Variants in RBFOX3 observed in about 807,000 individuals in gnomAD.
The protein encoded by RBFOX3 is RNA binding protein fox-1 homolog 3.
Under a neutral mutation model 48.7 loss-of-function variants are expected in RBFOX3, and 17 were observed. The observed-to-expected ratio is 0.35, with a 90% CI of 0.24 to 0.52. The LOEUF is 0.52. Among genes scored for constraint, RBFOX3 ranks in the 20% least tolerant of loss-of-function variants. The pLI, the probability that RBFOX3 is intolerant of heterozygous loss-of-function variation, is 0.94. For missense variants in RBFOX3, 382 were observed against 497.5 expected (o/e 0.77, Z 2.21); for synonymous variants, 212 against 209.5 (o/e 1.01, Z -0.10).
rs150227072 is a variant in RBFOX3, at chr17:79,399,865, G to A, written c.-175+82589C>T. 2.1e-3 allele frequency among the ~76,000 whole-genome samples: 314 copies of A among 152,332 alleles called. 2 individuals are homozygous for A. The highest frequency in any genetic ancestry group is 7.2e-3 in the African/African-American group (301 of 41,568). ...ATGCTGGCTTTCTCTCCAAGTGAAC[G>A]TTGTCCTTAACTGGCTAGTGCAGGA... On this transcript the variant is annotated intron_variant, in intron 2 of 14. Transcript: ENST00000693108.
chr17:79,262,428 C>T (rs1277362929), intron 3 of RBFOX3, among the ~76,000 whole-genome samples: 2 of 152,266 alleles, frequency 1.3e-5, no homozygotes, highest in Non-Finnish European at 2.9e-5. Context: ...AGGACTTGCA[C>T]ATTTCTCTGT....
intron 2 of RBFOX3, among the ~76,000 whole-genome samples, chr17:79,315,726 TC>T (rs1406714527): frequency 2.0e-5 from 3 of 152,240 alleles, no homozygotes; most frequent in Non-Finnish European, 4.4e-5. Flanking sequence ...GCCTGGCGTT[TC>T]TGCGGGCTGC....
rs1470683759 is a variant in RBFOX3, at chr17:79,458,071, C to T, written c.-175+24383G>A. Among the ~76,000 whole-genome samples the T allele has an allele frequency of 5.9e-5, 9 of 152,100 alleles. No homozygotes were observed. The East Asian group carries it at 1.7e-3, about 29-fold the overall frequency. ...CAGGCCATCTTTGCAGGGCGGGGGA[C>T]CCGGGTGTGCCTCCCCAGGTGGGTA... On this transcript the variant is annotated intron_variant, in intron 2 of 14. Coordinates refer to ENST00000693108, the MANE Select transcript of RBFOX3 (RefSeq NM_001350451.2).
chr17:79,434,884 G>T (rs1897513077), intron 2 of RBFOX3, among the ~76,000 whole-genome samples: 1 of 152,184 alleles, frequency 6.6e-6, no homozygotes, highest in South Asian at 2.1e-4. Context: ...GGACCCTGAA[G>T]AATGGGGTGA....
chr17:79,295,383 G>GA (rs2074169718), intron 3 of RBFOX3, among the ~76,000 whole-genome samples: 1 of 152,174 alleles, frequency 6.6e-6, no homozygotes, highest in African/African-American at 2.4e-5. Context: ...AGAGCAGGAG[G>GA]AAAAAATTAA....
At chr17:79,400,277 C>T (rs766571354) in intron 2 of RBFOX3, among the ~76,000 whole-genome samples, 51 of 152,252 alleles carry the variant, frequency 3.3e-4, no homozygotes, top group Non-Finnish European at 6.3e-4. Context: ...GCTGAGACTC[C>T]GGATAGAATT....
chr17:79,461,234 G>T (rs1384413552), intron 2 of RBFOX3, among the ~76,000 whole-genome samples: 2 of 152,170 alleles, frequency 1.3e-5, no homozygotes, highest in South Asian at 4.2e-4. Flanking sequence ...ACCACTGAAG[G>T]CCCAGGATTC....
chr17:79,273,037 T>C (rs1011965147), intron 3 of RBFOX3, among the ~76,000 whole-genome samples: 1 of 152,138 alleles, frequency 6.6e-6, no homozygotes, highest in Non-Finnish European at 1.5e-5. Flanking sequence ...GGGCTCTGCC[T>C]CCCAGGGGTA....
Position 79,473,310 on chromosome 17 carries a change from G to A in RBFOX3, c.-175+9144C>T, listed in dbSNP as rs2077277370. ...CTCAGCCTGTTGCTAGGGAGCTGCT[G>A]TGGGTTTGAATTCTGTATGGCCCTG... On this transcript the variant is annotated intron_variant, in intron 2 of 14. Transcript: ENST00000693108. This position sits in a 1 kb window ranked among gnomAD's most constrained non-coding sequence, Gnocchi z 4.2. 1.3e-5 allele frequency among the ~76,000 whole-genome samples: 2 copies of A among 152,342 alleles called. No individual in the cohort carries two copies. Among genetic ancestry groups the A allele is most frequent in the East Asian group, 1.9e-4 (1 of 5,184 alleles).
intron 4 of RBFOX3, among the ~76,000 whole-genome samples, chr17:79,191,774 C>T (rs2054577559): frequency 6.6e-6 from 1 of 152,168 alleles, no homozygotes; most frequent in Non-Finnish European, 1.5e-5. Context: ...AACCTACAGA[C>T]TCACCTCCCC....
At chr17:79,611,476 G>T (rs2093969770), upstream of RBFOX3, among the ~76,000 whole-genome samples, 1 of 152,032 alleles carries the variant, frequency 6.6e-6, no homozygotes, top group Non-Finnish European at 1.5e-5. Context: ...CCAGAACCCA[G>T]TGCTGCCCTG....
intron 4 of RBFOX3, among the ~76,000 whole-genome samples, chr17:79,174,407 G>A (rs1007412330): frequency 1.3e-5 from 2 of 150,098 alleles, no homozygotes; most frequent in Admixed American, 6.6e-5. Flanking sequence ...CTCACACTCA[G>A]ACACGCACAC....
chr17:79,273,578 G>A (rs1307268950), intron 3 of RBFOX3, among the ~76,000 whole-genome samples: 1 of 139,988 alleles, frequency 7.1e-6, no homozygotes. Flanking sequence ...TGGGGGGGGC[G>A]GGGGCGGGGT....
intron 2 of RBFOX3, among the ~76,000 whole-genome samples, chr17:79,345,520 A>T (rs2082762198): frequency 6.6e-6 from 1 of 152,194 alleles, no homozygotes. Flanking sequence ...AATCAAATGG[A>T]AGTTAAACGC....
Position 79,390,246 on chromosome 17 carries a change from A to C in RBFOX3, c.-174-82422T>G, listed in dbSNP as rs1417549480. 6.6e-6 allele frequency among the ~76,000 whole-genome samples: 1 copy of C among 152,098 alleles called. No homozygotes were observed. ...CCCAGAGGTCCTCCTAGAATAACAC[A>C]TCCCTCCGCCCCATCATCCTGCAAT... On this transcript the variant is annotated intron_variant, in intron 2 of 14. Coordinates refer to ENST00000693108, the MANE Select transcript of RBFOX3 (RefSeq NM_001350451.2). This position sits in a 1 kb window ranked among gnomAD's most constrained non-coding sequence, Gnocchi z 4.2.
At position 79,428,701 on chromosome 17, in the gene RBFOX3, C is replaced by T. The variant is rs141930536; in HGVS notation, c.-175+53753G>A. 7.9e-5 allele frequency among the ~76,000 whole-genome samples: 12 copies of T among 152,352 alleles called. No individual in the cohort carries two copies. In the East Asian group the frequency reaches 1.2e-3, roughly 15 times the overall value. On this transcript the variant is annotated intron_variant, in intron 2 of 14. Transcript: ENST00000693108. ...GAAGCCATGGTGGCAGTGCCTGTGACGCTCACGTCCCCAGCAGGACGTGGC... is the reference window on the plus strand; with the variant it reads ...GAAGCCATGGTGGCAGTGCCTGTGATGCTCACGTCCCCAGCAGGACGTGGC...
chr17:79,193,100 G>A (rs2054840824), intron 4 of RBFOX3, among the ~76,000 whole-genome samples: 1 of 152,234 alleles, frequency 6.6e-6, no homozygotes, highest in South Asian at 2.1e-4. Flanking sequence ...CCTCTGCTGA[G>A]CACCTGGGTG....
chr17:79,542,953 C>T (rs35237675), intron 1 of RBFOX3, among the ~76,000 whole-genome samples: 1 of 151,976 alleles, frequency 6.6e-6, no homozygotes, highest in African/African-American at 2.4e-5. Context: ...AGTTGGCGTA[C>T]ACTTTTCACT....
intron 4 of RBFOX3, among the ~76,000 whole-genome samples, chr17:79,153,160 T>G (rs1381870397): frequency 6.6e-6 from 1 of 152,204 alleles, no homozygotes; most frequent in Non-Finnish European, 1.5e-5. Context: ...TTGGCCCTGT[T>G]CTGGGGTCCC....
Sources: gnomAD v4.1 joint callset for allele counts (sites outside exome capture counted in the v4.1 genomes callset) on GRCh38, gnomAD v4.1.1 for gene constraint, Gnocchi (gnomAD v3.1) non-coding constraint, MANE v1.5 for transcripts, NCBI Gene and HGNC (gene_info 2026-07-23, HGNC 2026-07-21) for gene names.